Variants in NRG3 observed in about 807,000 individuals in gnomAD.
NRG3 encodes pro-neuregulin-3, membrane-bound isoform.
In NRG3, 31 loss-of-function variants were observed where a neutral mutation model predicts 66.9. The ratio of observed to expected loss-of-function variants is 0.46; its 90% CI spans 0.35 to 0.63. The LOEUF (loss-of-function observed/expected upper bound fraction) is 0.63, where lower values mean the gene tolerates loss of function less well. Ranked by LOEUF, NRG3 falls within the 20% of genes least tolerant of loss-of-function variation. The probability of loss-of-function intolerance (pLI) is 0.00; values close to 1 mark genes in which losing one functional copy is unlikely to be tolerated. For missense variants in NRG3, 910 were observed against 878.9 expected (o/e 1.04, Z -0.45); for synonymous variants, 393 against 359.4 (o/e 1.09, Z -1.06).
At chr10:82,809,372 AT>A (rs1198492601) in intron 3 of NRG3, among the ~76,000 whole-genome samples, 4 of 151,674 alleles carry the variant, frequency 2.6e-5, no homozygotes, top group Admixed American at 2.0e-4. Context: ...TATACAAAAA[AT>A]ATATATTATA....
rs73306161 is a variant in NRG3, at chr10:82,410,578, G to C, written c.953+51710G>C. Among the ~76,000 whole-genome samples the C allele has an allele frequency of 5.5e-3, 836 of 151,674 alleles. 7 individuals carry two copies. Among genetic ancestry groups the C allele is most frequent in the African/African-American group, 0.02 (813 of 41,394 alleles). On this transcript the variant is annotated intron_variant, in intron 2 of 8. Coordinates refer to ENST00000372141, the MANE Select transcript of NRG3 (RefSeq NM_001010848.4). ...GGAAAATGGGGAATGACTGATAATA[G>C]GTATGGGATTTGGGGGAGAAGAGTG...
chr10:81,989,122 C>A (rs910537021), intron 1 of NRG3, among the ~76,000 whole-genome samples: 3 of 152,098 alleles, frequency 2.0e-5, no homozygotes, highest in African/African-American at 7.2e-5. Context: ...ATGGACTAAT[C>A]AAAGACAACC....
intron 3 of NRG3, among the ~76,000 whole-genome samples, chr10:82,813,121 G>C (rs1359565184): frequency 1.3e-5 from 2 of 151,042 alleles, no homozygotes; most frequent in East Asian, 3.9e-4. Context: ...TCCTAGATCT[G>C]AAATGTATGA....
At chr10:82,578,369 T>C (rs1277813659) in intron 2 of NRG3, among the ~76,000 whole-genome samples, 1 of 149,660 alleles carries the variant, frequency 6.7e-6, no homozygotes, top group Non-Finnish European at 1.5e-5. Flanking sequence ...AAAACCCCGA[T>C]AGTAAACAGG....
At chr10:81,942,969 C>T (rs183347262) in intron 1 of NRG3, among the ~76,000 whole-genome samples, 113 of 152,262 alleles carry the variant, frequency 7.4e-4, no homozygotes, top group African/African-American at 2.7e-3. Flanking sequence ...TAAATAAGAA[C>T]ATTTTCTACC....
chr10:82,232,591 CT>C (rs1157210802), intron 1 of NRG3: 4 of 592,778 alleles, frequency 6.7e-6, no homozygotes, highest in Non-Finnish European at 1.2e-5. Context: ...CTAATACAGA[CT>C]TTCATTGTTT....
chr10:82,930,434 T>C (rs563846148), intron 4 of NRG3, among the ~76,000 whole-genome samples: 2 of 152,320 alleles, frequency 1.3e-5, no homozygotes, highest in South Asian at 4.1e-4. Flanking sequence ...ATACTGAGAA[T>C]TGCAAGGGGA....
rs1193569993 is a variant in NRG3 at position 82,911,456 on chromosome 10, C to T, written c.1055-40013C>T. On this transcript the variant is annotated intron_variant, in intron 4 of 8. Transcript: ENST00000372141. ...ATAAATGTAGTCCTATTCAGATTATCTACTTCTGGTTTTTGTAGATTATGT... is the reference window on the plus strand; with the variant it reads ...ATAAATGTAGTCCTATTCAGATTATTTACTTCTGGTTTTTGTAGATTATGT... Among the ~76,000 whole-genome samples the T allele has an allele frequency of 5.3e-5, 8 of 152,016 alleles. No homozygotes were observed. The East Asian group carries it at 1.5e-3, about 29-fold the overall frequency.
chr10:82,537,455 T>C (rs901723561), intron 2 of NRG3, among the ~76,000 whole-genome samples: 2 of 152,116 alleles, frequency 1.3e-5, no homozygotes, highest in African/African-American at 4.8e-5. Flanking sequence ...CCCCTTTTGT[T>C]TATTACATGA....
chr10:82,233,194 C>T (rs1049410390), intron 1 of NRG3, among the ~76,000 whole-genome samples: 7 of 152,142 alleles, frequency 4.6e-5, no homozygotes, highest in African/African-American at 1.7e-4. Flanking sequence ...GAAACTCCGT[C>T]TCTACTAAAA....
intron 1 of NRG3, among the ~76,000 whole-genome samples, chr10:82,077,825 T>C (rs1242994298): frequency 2.0e-5 from 3 of 152,232 alleles, no homozygotes; most frequent in Admixed American, 1.3e-4. Flanking sequence ...ATATCAGAAA[T>C]AACCTAGTGC....
rs139616159 is a variant in NRG3 at position 82,715,306 on chromosome 10, G to A, written c.954-23271G>A. Among the ~76,000 whole-genome samples, 327 of 152,272 alleles carry A rather than the reference G, an allele frequency of 2.1e-3. 3 individuals are homozygous for A. Among genetic ancestry groups the A allele is most frequent in the African/African-American group, 7.2e-3 (301 of 41,556 alleles). On this transcript the variant is annotated intron_variant, in intron 2 of 8. Coordinates refer to ENST00000372141, the MANE Select transcript of NRG3 (RefSeq NM_001010848.4). ...CCAACCGCTTTGGAGGCTGAGGCAC[G>A]TGAGTCCCTTGAACCCGGAGGCAGA...
At chr10:82,694,445 TG>T (rs2055211305) in intron 2 of NRG3, among the ~76,000 whole-genome samples, 2 of 152,304 alleles carry the variant, frequency 1.3e-5, no homozygotes, top group African/African-American at 4.8e-5. Flanking sequence ...TGTGTGTGTT[TG>T]TGTATTTCTT....
At chr10:82,782,044 T>C (rs1281871151) in intron 3 of NRG3, among the ~76,000 whole-genome samples, 1 of 152,152 alleles carries the variant, frequency 6.6e-6, no homozygotes, top group Admixed American at 6.5e-5. Flanking sequence ...TATCATCTTT[T>C]TCCACCTTGA....
At chr10:81,923,851 C>T (rs1846503921) in intron 1 of NRG3, among the ~76,000 whole-genome samples, 1 of 152,062 alleles carries the variant, frequency 6.6e-6, no homozygotes, top group South Asian at 2.1e-4. Context: ...TTCTTTTTTC[C>T]ACCTACTCTG....
chr10:82,165,208 A>T (rs149739933), intron 1 of NRG3, among the ~76,000 whole-genome samples: 1 of 152,086 alleles, frequency 6.6e-6, no homozygotes, highest in Non-Finnish European at 1.5e-5. Flanking sequence ...ATCTTGACAA[A>T]TATTCAGTTT....
intron 1 of NRG3, among the ~76,000 whole-genome samples, chr10:82,267,837 G>A (rs2078383516): frequency 6.6e-6 from 1 of 152,126 alleles, no homozygotes; most frequent in Admixed American, 6.6e-5. Flanking sequence ...CACTACATTT[G>A]TGGTGGGCAG....
chr10:82,565,478 CT>C, intron 2 of NRG3, among the ~76,000 whole-genome samples: 1 of 152,202 alleles, frequency 6.6e-6, no homozygotes, highest in East Asian at 1.9e-4. Flanking sequence ...GGGTAACAGC[CT>C]TGACTTTCAT....
intron 2 of NRG3, among the ~76,000 whole-genome samples, chr10:82,446,567 T>C (rs2090738367): frequency 6.6e-6 from 1 of 152,134 alleles, no homozygotes; most frequent in Admixed American, 6.5e-5. Context: ...TTCTCACTTA[T>C]AAGTGGGAGC....
Sources: allele counts gnomAD v4.1 joint callset (sites outside exome capture counted in the v4.1 genomes callset), GRCh38; gene constraint gnomAD v4.1.1; transcripts MANE v1.5; gene names NCBI Gene and HGNC (gene_info 2026-07-23, HGNC 2026-07-21).